The following RARB variants were observed in gnomAD, a reference collection of about 807,000 sequenced individuals.
RARB encodes retinoic acid receptor beta.
RARB carries 17 observed loss-of-function variants against 51.9 expected under a neutral mutation model. The ratio of observed to expected loss-of-function variants is 0.33; its 90% confidence interval spans 0.22 to 0.49. RARB has a LOEUF of 0.49. Among genes scored for constraint, RARB ranks in the 20% least tolerant of loss-of-function variants. The probability of loss-of-function intolerance (pLI) is 0.99; values close to 1 mark genes in which losing one functional copy is unlikely to be tolerated. For synonymous variants in RARB, 215 were observed against 195.4 expected, an observed-to-expected ratio of 1.10 and a Z score of -0.84; for missense variants, 369 against 550.8, an observed-to-expected ratio of 0.67 and a Z score of 3.30.
chr3:25,142,248 C>T (rs538847017), intron 4 of RARB, among the ~76,000 whole-genome samples: 6 of 152,208 alleles, frequency 3.9e-5, no homozygotes, highest in African/African-American at 9.6e-5. Context: ...GCAGGAGAAT[C>T]GCTTGAACCT....
At chr3:25,037,907 G>C (rs6777624) in intron 2 of RARB, among the ~76,000 whole-genome samples, 23,808 of 152,074 alleles carry the variant, frequency 0.16, 1,967 homozygotes, top group South Asian at 0.3. Flanking sequence ...GGGAGAAAGA[G>C]AGAAAACCAG....
At chr3:25,203,474 A>T (rs1701449500) in intron 5 of RARB, among the ~76,000 whole-genome samples, 2 of 152,154 alleles carry the variant, frequency 1.3e-5, no homozygotes, top group Admixed American at 1.3e-4. Flanking sequence ...TCCTGTCATT[A>T]TGATGTTAGC....
intron 2 of RARB, among the ~76,000 whole-genome samples, chr3:24,877,345 A>ATTTTTTTTTTTTTTTTTTT (rs1559379782): frequency 2.3e-4 from 4 of 17,760 alleles, no homozygotes; most frequent in African/African-American, 5.7e-4. Context: ...AAGCAATCTT[A>ATTTTTTTTTTTTTTTTTTT]CTTTTTTTTT....
chr3:25,210,859 C>G (rs192340303), intron 5 of RARB, among the ~76,000 whole-genome samples: 1 of 152,014 alleles, frequency 6.6e-6, no homozygotes, highest in East Asian at 1.9e-4. Context: ...TACAGGAAAA[C>G]GTTTACTGAC....
At chr3:24,891,230 C>T (rs909321514) in intron 2 of RARB, among the ~76,000 whole-genome samples, 5 of 152,150 alleles carry the variant, frequency 3.3e-5, no homozygotes, top group Admixed American at 6.5e-5. Flanking sequence ...TTCCTATTTT[C>T]ATTTAGATTA....
chr3:25,234,067 G>A (rs1180268245), intron 5 of RARB, among the ~76,000 whole-genome samples: 1 of 152,002 alleles, frequency 6.6e-6, no homozygotes, highest in Non-Finnish European at 1.5e-5. Flanking sequence ...GGTAATGTTG[G>A]CGTCATTAAC....
Position 25,519,026 on chromosome 3 carries a change from A to G in RARB, c.448+17703A>G, listed in dbSNP as rs561555899. ...TTTGCTTGTTGAACTTCACCTACAC[A>G]GAGTCACAGTGTATGCTCTTTTGTG... On this transcript the variant is annotated intron_variant, in intron 3 of 7. Transcript: ENST00000330688. Among the ~76,000 whole-genome samples the G allele has an allele frequency of 2.6e-5, 4 of 152,310 alleles. No homozygotes were observed. In the South Asian group the frequency reaches 8.3e-4, roughly 32 times the overall value.
chr3:25,074,529 T>A lies in RARB; in HGVS notation c.-328+14353T>A, dbSNP rs76937798. Among the ~76,000 whole-genome samples, 634 of 152,276 alleles carry A rather than the reference T, an allele frequency of 4.2e-3. 15 individuals are homozygous for A. The East Asian group carries it at 0.064, about 15-fold the overall frequency. On this transcript the variant is annotated intron_variant, in intron 3 of 11. Transcript: ENST00000383772. ...CAAATCACATGCCACATCTACATAG[T>A]TATCTTTGACCCTTCTGACTGGAAG...
At chr3:25,444,230 C>A (rs12636426) in intron 1 of RARB, among the ~76,000 whole-genome samples, 91 of 152,180 alleles carry the variant, frequency 6.0e-4, no homozygotes, top group Middle Eastern at 3.4e-3. Context: ...TTGAATCTCC[C>A]GAGTAGGAGA....
At chr3:25,536,561 G>A (rs1036678568) in intron 3 of RARB, among the ~76,000 whole-genome samples, 1 of 152,188 alleles carries the variant, frequency 6.6e-6, no homozygotes, top group Admixed American at 6.5e-5. Context: ...AGAAAGTAGA[G>A]TACAAACCTA....
At chr3:25,446,172 A>G (rs1213238815) in intron 1 of RARB, among the ~76,000 whole-genome samples, 1 of 152,270 alleles carries the variant, frequency 6.6e-6, no homozygotes, top group African/African-American at 2.4e-5. Context: ...TATCTTTAAA[A>G]TATTACCCAC....
At chr3:25,022,283 C>G (rs957301030) in intron 2 of RARB, among the ~76,000 whole-genome samples, 5 of 152,204 alleles carry the variant, frequency 3.3e-5, no homozygotes, top group African/African-American at 9.6e-5. Context: ...ATCTGGACTT[C>G]TAAAGCCATT....
chr3:25,379,412 T>A (rs2195919), intron 5 of RARB, among the ~76,000 whole-genome samples: 57,617 of 152,102 alleles, frequency 0.38, 12,331 homozygotes, highest in East Asian at 0.76. Flanking sequence ...GGTGACCTAG[T>A]GCCATGGGTA....
At chr3:25,081,781 C>T (rs1052745541) in intron 3 of RARB, among the ~76,000 whole-genome samples, 5 of 149,978 alleles carry the variant, frequency 3.3e-5, no homozygotes, top group African/African-American at 1.2e-4. Flanking sequence ...TACAGGTGCC[C>T]ACCAGCTCGC....
chr3:25,374,525 C>T (rs764330961), intron 5 of RARB, among the ~76,000 whole-genome samples: 1 of 152,092 alleles, frequency 6.6e-6, no homozygotes, highest in Non-Finnish European at 1.5e-5. Context: ...GAGCTACCCC[C>T]ACAGAAGTTA....
chr3:24,895,734 G>A (rs904394695), intron 2 of RARB, among the ~76,000 whole-genome samples: 2 of 151,902 alleles, frequency 1.3e-5, no homozygotes, highest in Non-Finnish European at 2.9e-5. Flanking sequence ...GTATTGATAC[G>A]AATGTGGGGA....
At chr3:25,251,773 A>G (rs1186950220) in intron 5 of RARB, among the ~76,000 whole-genome samples, 3 of 151,434 alleles carry the variant, frequency 2.0e-5, no homozygotes, top group Non-Finnish European at 4.4e-5. Flanking sequence ...CTTTTATCAG[A>G]CGTATGATTC....
In RARB at chr3:25,388,241, C is replaced by T. The variant is rs563619950; in HGVS notation, c.179-72952C>T. Among the ~76,000 whole-genome samples, 154 of 152,198 alleles carry T rather than the reference C, an allele frequency of 1.0e-3. 1 individual carries two copies. Among genetic ancestry groups the T allele is most frequent in the Non-Finnish European group, 1.9e-3 (129 of 68,002 alleles). On this transcript the variant is annotated intron_variant, in intron 5 of 11. Coordinates refer to the RARB transcript ENST00000383772. ...ATAAATTTCTTCTTAATTAAAAAGC[C>T]TCTAAATTCTAAATAATCAATTTAC...
intron 2 of RARB, among the ~76,000 whole-genome samples, chr3:24,914,997 A>G (rs1488741679): frequency 6.6e-6 from 1 of 152,216 alleles, no homozygotes; most frequent in Non-Finnish European, 1.5e-5. Context: ...ATAGCATTAT[A>G]GAGATTGATA....
Sources: gnomAD v4.1 joint callset for allele counts (sites outside exome capture counted in the v4.1 genomes callset) on GRCh38, gnomAD v4.1.1 for gene constraint, MANE v1.5 for transcripts, NCBI Gene and HGNC (gene_info 2026-07-23, HGNC 2026-07-21) for gene names.